The following LAMC3 variants were observed in gnomAD, a reference collection of about 807,000 sequenced individuals.
LAMC3 encodes laminin subunit gamma-3.
In LAMC3, 128 loss-of-function variants were observed where a neutral mutation model predicts 173.8. The observed-to-expected ratio is 0.74, with a 90% CI of 0.64 to 0.85. The LOEUF is 0.85. Ranked by LOEUF, LAMC3 falls within the 40% of genes least tolerant of loss-of-function variation. LAMC3 has a pLI of 0.00. For missense variants in LAMC3, 2,022 were observed against 2,156.0 expected, an observed-to-expected ratio of 0.94 and a Z score of 1.23; for synonymous variants, 897 against 909.1, an observed-to-expected ratio of 0.99 and a Z score of 0.24.
rs386416363 is a variant in LAMC3 at position 131,091,925 on chromosome 9, A to ACC, written c.*139_*140insCC. 1 of 1,024,508 alleles carries ACC rather than the reference A, an allele frequency of 9.8e-7. No individual in the cohort carries two copies. Among genetic ancestry groups the ACC allele is most frequent in the Non-Finnish European group, 1.4e-6 (1 of 705,314 alleles). 63.5% of individuals were successfully genotyped at this position (1,024,508 alleles called of 1,614,324 possible). On this transcript the variant is annotated 3_prime_UTR_variant, in exon 28 of 28. Coordinates refer to ENST00000361069, the MANE Select transcript of LAMC3 (RefSeq NM_006059.4). Reference sequence around the variant, plus strand: ...TGAACTCGCCCCCGTGTGGATAGTCACTCCCTGCCGATTCTGTCTGTGGCT... The same window carrying ACC: ...TGAACTCGCCCCCGTGTGGATAGTCACCCTCCCTGCCGATTCTGTCTGTGGCT...
chr9:131,018,457 C>T (rs141565740), intron 1 of LAMC3, among the ~76,000 whole-genome samples: 357 of 152,024 alleles, frequency 2.3e-3, no homozygotes, highest in African/African-American at 8.1e-3. Flanking sequence ...TAAACAGCGA[C>T]GAGAATTAAA....
intron 6 of LAMC3, among the ~76,000 whole-genome samples, chr9:131,041,366 C>CAAAAAAAAAGA (rs1554785563): frequency 8.7e-6 from 1 of 114,562 alleles, no homozygotes; most frequent in Non-Finnish European, 1.8e-5. Context: ...GACTCTGTCC[C>CAAAAAAAAAGA]AAAAAAAAAG....
At chr9:131,062,873 A>G (rs1487846033) in intron 13 of LAMC3, among the ~76,000 whole-genome samples, 1 of 151,782 alleles carries the variant, frequency 6.6e-6, no homozygotes, top group Non-Finnish European at 1.5e-5. Context: ...CATCTCAAAA[A>G]AATTAAAAAA....
chr9:131,068,955 A>C lies in LAMC3; in HGVS notation c.2795A>C (p.Lys932Thr). The C allele has an allele frequency of 6.2e-7, 1 of 1,614,084 alleles. No individual in the cohort carries two copies. The highest frequency in any genetic ancestry group is 8.5e-7 in the Non-Finnish European group (1 of 1,180,004). The change falls in exon 16 of 28, where the codon AAG (lysine) becomes ACG (threonine). Residue 932 changes from lysine (K) to threonine (T), a missense_variant. Lys to Thr is a moderately conservative substitution (Grantham distance 78). Transcript: ENST00000361069. The stretch of plus-strand genomic sequence containing the variant: ...TCCCAGGAGGACCAGTGCCATCCCA[A>C]GACTGGACAGTGCACCTGCCGCCCA... ...LGSQEDQCHP[K>T]TGQCTCRPGV...
intron 11 of LAMC3, among the ~76,000 whole-genome samples, chr9:131,054,667 C>T (rs368257216): frequency 2.7e-4 from 41 of 152,084 alleles, no homozygotes; most frequent in African/African-American, 9.4e-4. Flanking sequence ...ATTGCTTGAA[C>T]CTGGGAGGCG....
In LAMC3 at chr9:131,032,105, G is replaced by A. The variant is rs200998540; in HGVS notation, c.739G>A (p.Asp247Asn). 53 of 1,614,034 alleles carry A rather than the reference G, an allele frequency of 3.3e-5. No individual in the cohort carries two copies. Among genetic ancestry groups the A allele is most frequent in the African/African-American group, 3.1e-4 (23 of 74,954 alleles). ...SLDRLNTFGDDIFKDPKVLQS... is the reference protein window; with the variant it reads ...SLDRLNTFGDNIFKDPKVLQS... ...AGACCGGCTCAACACGTTTGGGGAC[G>A]ACATCTTCAAGGACCCCAAGGTGCT... Residue 247 changes from aspartate to asparagine, a missense_variant, in exon 3 of 28, where the codon GAC becomes AAC. Asp to Asn is a conservative substitution (Grantham distance 23). Transcript: ENST00000361069.
intron 1 of LAMC3, among the ~76,000 whole-genome samples, chr9:131,013,830 T>C (rs2133203042): frequency 6.6e-6 from 1 of 152,066 alleles, no homozygotes; most frequent in South Asian, 2.1e-4. Flanking sequence ...GTGCTGGACA[T>C]TAGGGGGACC....
chr9:131,083,710 C>T (rs1378216756), intron 24 of LAMC3, among the ~76,000 whole-genome samples: 2 of 152,100 alleles, frequency 1.3e-5, no homozygotes, highest in East Asian at 3.9e-4. Flanking sequence ...ATTAGGGCTC[C>T]ACACAATACA....
chr9:131,045,248 A>ACAAC (rs1327359947), intron 7 of LAMC3, among the ~76,000 whole-genome samples: 1 of 151,308 alleles, frequency 6.6e-6, no homozygotes, highest in Non-Finnish European at 1.5e-5. Flanking sequence ...AACAACAACA[A>ACAAC]AAAAACAAAA....
chr9:131,073,309 C>T lies in LAMC3; in HGVS notation c.3482C>T (p.Ala1161Val), dbSNP rs537553919. 14 of 1,613,434 alleles carry T rather than the reference C, an allele frequency of 8.7e-6. No individual in the cohort carries two copies. In the Admixed American group the frequency reaches 1.7e-4, roughly 19 times the overall value. Residue 1161 changes from alanine to valine, a missense_variant, in exon 20 of 28, where the codon GCC becomes GTC. By Grantham distance (64) the Ala-to-Val change is moderately conservative. Transcript: ENST00000361069. ...KWSHLATEAR[A>V]LARSHRDTAT... ...AGCCACCTGGCCACAGAGGCCCGTG[C>T]CCTCGCCAGGAGGTGAGTCCCAAGA...
In LAMC3 at chr9:131,009,999, G is replaced by T. The variant is rs975845669; in HGVS notation, c.373+412G>T. The stretch of plus-strand genomic sequence containing the variant: ...TGAAAACCCGTCTCTACTAAAAATA[G>T]AAAATTTGGCCGGGCGTGGTGGTAG... On this transcript the variant is annotated intron_variant, in intron 1 of 27. Coordinates refer to ENST00000361069, the MANE Select transcript of LAMC3 (RefSeq NM_006059.4). This position sits in a 1 kb window ranked among gnomAD's most constrained non-coding sequence, Gnocchi z 4.3. Among the ~76,000 whole-genome samples the T allele has an allele frequency of 4.0e-5, 6 of 151,752 alleles. No individual in the cohort carries two copies. The highest frequency in any genetic ancestry group is 1.5e-4 in the African/African-American group (6 of 41,324).
chr9:131,054,475 C>T (rs970465145), intron 11 of LAMC3, among the ~76,000 whole-genome samples: 2 of 152,106 alleles, frequency 1.3e-5, no homozygotes, highest in African/African-American at 2.4e-5. Flanking sequence ...ATTACACAGC[C>T]GGGCGTGGTG....
At chr9:131,061,329 G>A in intron 13 of LAMC3, 106 bp downstream of exon 13, 1 of 960,952 alleles carries the variant, frequency 1.0e-6, no homozygotes, top group Non-Finnish European at 1.5e-6. Context: ...GGGTGTGGCA[G>A]GTGAGGGAGA....
intron 1 of LAMC3, among the ~76,000 whole-genome samples, chr9:131,014,667 A>G (rs1350063256): frequency 6.6e-6 from 1 of 152,194 alleles, no homozygotes; most frequent in Non-Finnish European, 1.5e-5. Flanking sequence ...AGGCGAATGA[A>G]TGGAAGAGCA....
At chr9:131,031,249 A>AGCTGCT (rs1369020061) in intron 2 of LAMC3, among the ~76,000 whole-genome samples, 1 of 152,240 alleles carries the variant, frequency 6.6e-6, no homozygotes, top group African/African-American at 2.4e-5. Context: ...ATTCAGCTGG[A>AGCTGCT]GCTGCTGCTG....
chr9:131,020,097 C>T (rs1833600330), intron 1 of LAMC3, among the ~76,000 whole-genome samples: 1 of 152,118 alleles, frequency 6.6e-6, no homozygotes, highest in African/African-American at 2.4e-5. Context: ...TAATTGGAGC[C>T]ATCTGGGCAG....
At chr9:131,082,700 C>T (rs999634497) in intron 24 of LAMC3, among the ~76,000 whole-genome samples, 1 of 152,236 alleles carries the variant, frequency 6.6e-6, no homozygotes, top group Non-Finnish European at 1.5e-5. Flanking sequence ...CAAGTATCCA[C>T]CTGTGTGATG....
At position 131,010,658 on chromosome 9, in the gene LAMC3, TCATCA is replaced by T. The variant is rs373412450; in HGVS notation, c.373+1073_373+1077del. ...TTCTGGAAGATAGAAGCTGTGATGT[TCATCA>T]CTGCACAGGCAAAGTTTAACCCTCT... On this transcript the variant is annotated intron_variant, in intron 1 of 27. Coordinates refer to ENST00000361069, the MANE Select transcript of LAMC3 (RefSeq NM_006059.4). Among the ~76,000 whole-genome samples, 139 of 152,372 alleles carry T rather than the reference TCATCA, an allele frequency of 9.1e-4. 4 individuals carry two copies. In the East Asian group the frequency reaches 0.021, roughly 23 times the overall value.
chr9:131,078,451 C>T (rs886565726), intron 22 of LAMC3, among the ~76,000 whole-genome samples: 9 of 152,290 alleles, frequency 5.9e-5, no homozygotes, highest in African/African-American at 2.2e-4. Context: ...CGCCACTGCA[C>T]TCCAGCCTAG....
Sources: allele counts gnomAD v4.1 joint callset (sites outside exome capture counted in the v4.1 genomes callset), GRCh38; gene constraint gnomAD v4.1.1; non-coding constraint Gnocchi (gnomAD v3.1); transcripts MANE v1.5; gene names NCBI Gene and HGNC (gene_info 2026-07-23, HGNC 2026-07-21).